The following GMPR variants were observed in gnomAD, a reference collection of about 807,000 sequenced individuals.
GMPR encodes the protein guanosine monophosphate reductase, also known as GMP reductase 1.
In GMPR, 31 loss-of-function variants were observed where a neutral mutation model predicts 38.4. The ratio of observed to expected loss-of-function variants is 0.81; its 90% CI spans 0.61 to 1.09. The LOEUF (loss-of-function observed/expected upper bound fraction) is 1.09, where lower values mean the gene tolerates loss of function less well. Among genes scored for constraint, GMPR ranks in the 50% least tolerant of loss-of-function variants. The pLI is 0.00. For missense variants in GMPR, 468 were observed against 453.7 expected (o/e 1.03, Z -0.29); for synonymous variants, 162 against 173.3 (o/e 0.93, Z 0.51).
chr6:16,287,101 C>T (rs1352736275), intron 7 of GMPR, among the ~76,000 whole-genome samples: 1 of 152,054 alleles, frequency 6.6e-6, no homozygotes, highest in Non-Finnish European at 1.5e-5. Context: ...CCACTGATTC[C>T]AGCTTCCTAT....
intron 8 of GMPR, among the ~76,000 whole-genome samples, chr6:16,291,995 C>T (rs758720177): frequency 7.9e-5 from 12 of 151,926 alleles, no homozygotes; most frequent in Non-Finnish European, 1.6e-4. Context: ...TCAGGGTTAG[C>T]GCCGATGACA....
rs759441196 is a variant in GMPR at position 16,254,558 on chromosome 6, G to A, written c.292-4G>A. 1 of 1,612,754 alleles carries A rather than the reference G, an allele frequency of 6.2e-7. No individual in the cohort carries two copies. The highest frequency in any genetic ancestry group is 1.7e-5 in the Admixed American group (1 of 59,996). Reference sequence around the variant, plus strand: ...GCCTGTCTTCTTGGTTTATTTTGGTGCAGAATGTAGCCGTGAGTTCAGGCA... The same window carrying A: ...GCCTGTCTTCTTGGTTTATTTTGGTACAGAATGTAGCCGTGAGTTCAGGCA... On this transcript the variant is annotated splice_polypyrimidine_tract_variant and splice_region_variant and intron_variant, in intron 3 of 8. Coordinates refer to ENST00000259727, the MANE Select transcript of GMPR (RefSeq NM_006877.4).
intron 4 of GMPR, among the ~76,000 whole-genome samples, chr6:16,271,211 C>T (rs1009880164): frequency 6.7e-6 from 1 of 148,772 alleles, no homozygotes; most frequent in African/African-American, 2.5e-5. Flanking sequence ...TGTGGCCGGG[C>T]GCAGTGGCTC....
At chr6:16,293,390 C>T (rs1759875555) in intron 8 of GMPR, among the ~76,000 whole-genome samples, 1 of 152,190 alleles carries the variant, frequency 6.6e-6, no homozygotes, top group Non-Finnish European at 1.5e-5. Context: ...AGTGCTGAGC[C>T]CTGAACCATC....
At chr6:16,253,233 T>G (rs1034129314) in intron 3 of GMPR, among the ~76,000 whole-genome samples, 4 of 152,230 alleles carry the variant, frequency 2.6e-5, no homozygotes, top group African/African-American at 4.8e-5. Flanking sequence ...TTGGGAAATT[T>G]TATCCCTTTA....
In GMPR at chr6:16,295,342, C is replaced by CCTG; in HGVS notation, c.*156_*157insCTG. 7.4e-6 allele frequency: 4 copies of CCTG among 541,542 alleles called. No homozygotes were observed. Among genetic ancestry groups the CCTG allele is most frequent in the Non-Finnish European group, 1.2e-5 (4 of 335,338 alleles). The allele number at this position is 541,542 out of a possible 1,614,324, so 33.5% of individuals were successfully genotyped here. On this transcript the variant is annotated 3_prime_UTR_variant, in exon 9 of 9. Coordinates refer to ENST00000259727, the MANE Select transcript of GMPR (RefSeq NM_006877.4). ...CTCCTGCTGCCTGGAGGCTTCGGGGCTCTCCCGCCTGCCTTCTCGGGGCCC... is the reference window on the plus strand; with the variant it reads ...CTCCTGCTGCCTGGAGGCTTCGGGGCCTGTCTCCCGCCTGCCTTCTCGGGGCCC...
At chr6:16,285,959 T>C (rs1451038421) in intron 7 of GMPR, 124 bp downstream of exon 7, 4 of 818,712 alleles carry the variant, frequency 4.9e-6, no homozygotes, top group Non-Finnish European at 8.1e-6. Context: ...TCCTGGAGGT[T>C]CCTCTCCCTG....
intron 6 of GMPR, among the ~76,000 whole-genome samples, chr6:16,279,870 G>T (rs549913063): frequency 6.6e-6 from 1 of 152,172 alleles, no homozygotes; most frequent in Non-Finnish European, 1.5e-5. Context: ...CACTGCCTTG[G>T]GTCAGATTGA....
At chr6:16,263,811 G>T (rs1014967803) in intron 4 of GMPR, among the ~76,000 whole-genome samples, 20 of 151,154 alleles carry the variant, frequency 1.3e-4, no homozygotes, top group Non-Finnish European at 2.8e-4. Context: ...AGAAATAAGG[G>T]ATTGGGGTGC....
At chr6:16,253,993 C>A (rs1402280948) in intron 3 of GMPR, among the ~76,000 whole-genome samples, 1 of 151,932 alleles carries the variant, frequency 6.6e-6, no homozygotes, top group Non-Finnish European at 1.5e-5. Flanking sequence ...TGCAATGGCA[C>A]AATCTCGGCT....
intron 4 of GMPR, 86 bp downstream of exon 4, chr6:16,254,821 C>T (rs2113675105): frequency 1.1e-6 from 1 of 936,316 alleles, no homozygotes; most frequent in Non-Finnish European, 1.7e-6. Context: ...GGAGCTGTAT[C>T]CTCTTCAGAG....
chr6:16,239,871 T>C (rs1425121895), intron 1 of GMPR, among the ~76,000 whole-genome samples: 1 of 152,212 alleles, frequency 6.6e-6, no homozygotes, highest in Non-Finnish European at 1.5e-5. Flanking sequence ...ATTGGCTGGT[T>C]TGGAGCCCGG....
intron 4 of GMPR, among the ~76,000 whole-genome samples, chr6:16,260,337 G>A (rs1412648825): frequency 6.6e-6 from 1 of 152,024 alleles, no homozygotes; most frequent in East Asian, 1.9e-4. Context: ...AGACTGTATA[G>A]AGGTGGGAAG....
chr6:16,258,553 G>A (rs1034056121), intron 4 of GMPR, among the ~76,000 whole-genome samples: 1 of 152,254 alleles, frequency 6.6e-6, no homozygotes, highest in African/African-American at 2.4e-5. Flanking sequence ...CACCAACAGC[G>A]AGGCCCTCTC....
At chr6:16,293,923 TTCTGGTAATACACACA>T (rs1759884763) in intron 8 of GMPR, among the ~76,000 whole-genome samples, 2 of 152,374 alleles carry the variant, frequency 1.3e-5, no homozygotes, top group African/African-American at 2.4e-5. Flanking sequence ...TCAGATTTCC[TTCTGGTAATACACACA>T]TCTGGTAATA....
rs145586695 is a variant in GMPR at position 16,270,870 on chromosome 6, G to A, written c.466-3545G>A. ...GCACAAGCTTCTGGGTTACTAAAGC[G>A]GCGTCAGCCTTCTTGATGTTTTTAA... On this transcript the variant is annotated intron_variant, in intron 4 of 8. Coordinates refer to ENST00000259727, the MANE Select transcript of GMPR (RefSeq NM_006877.4). 1.9e-3 allele frequency among the ~76,000 whole-genome samples: 295 copies of A among 152,282 alleles called. 1 individual carries two copies. Among genetic ancestry groups the A allele is most frequent in the African/African-American group, 6.8e-3 (282 of 41,550 alleles).
At chr6:16,293,728 G>C (rs1759881707) in intron 8 of GMPR, among the ~76,000 whole-genome samples, 1 of 152,194 alleles carries the variant, frequency 6.6e-6, no homozygotes, top group African/African-American at 2.4e-5. Flanking sequence ...AACCCAGGAG[G>C]CAGAGGTTGC....
intron 6 of GMPR, among the ~76,000 whole-genome samples, chr6:16,281,280 C>G (rs1015786591): frequency 1.3e-5 from 2 of 152,132 alleles, no homozygotes; most frequent in Non-Finnish European, 2.9e-5. Flanking sequence ...AGTGTGAGAC[C>G]CACTGGCTTA....
At chr6:16,261,690 G>GT (rs1759088465) in intron 4 of GMPR, among the ~76,000 whole-genome samples, 1 of 152,032 alleles carries the variant, frequency 6.6e-6, no homozygotes, top group Admixed American at 6.6e-5. Flanking sequence ...TAGCAGGCGA[G>GT]TGATAACAGG....
Sources: allele counts gnomAD v4.1 joint callset (sites outside exome capture counted in the v4.1 genomes callset), GRCh38; gene constraint gnomAD v4.1.1; transcripts MANE v1.5; gene names NCBI Gene and HGNC (gene_info 2026-07-23, HGNC 2026-07-21).